TOX2: variants seen among roughly 807,000 people sequenced by gnomAD.
TOX2 encodes the protein TOX high mobility group box family member 2, also known as granulosa cell HMG box 1.
A neutral mutation model predicts 47.4 loss-of-function variants in TOX2; 15 were observed. The observed-to-expected ratio is 0.32, with a 90% CI of 0.21 to 0.49. The LOEUF is 0.49. TOX2 is among the 20% of genes least tolerant of loss of function. The pLI is 0.99. For missense variants in TOX2, 622 were observed against 673.1 expected (o/e 0.92, Z 0.84); for synonymous variants, 290 against 296.6 (o/e 0.98, Z 0.23).
intron 1 of TOX2, among the ~76,000 whole-genome samples, chr20:43,923,580 C>T (rs1348819659): frequency 6.6e-6 from 1 of 152,178 alleles, no homozygotes; most frequent in Non-Finnish European, 1.5e-5. Flanking sequence ...TAGAACGTGG[C>T]AGGATTGTCC....
At chr20:44,057,348 C>T (rs1300982826) in intron 5 of TOX2, among the ~76,000 whole-genome samples, 1 of 152,170 alleles carries the variant, frequency 6.6e-6, no homozygotes, top group African/African-American at 2.4e-5. Context: ...TCTTACTTTG[C>T]ATTACCTCTC....
chr20:43,943,072 A>G (rs2069421725), intron 1 of TOX2, among the ~76,000 whole-genome samples: 1 of 151,826 alleles, frequency 6.6e-6, no homozygotes, highest in African/African-American at 2.4e-5. Flanking sequence ...ACAGCCTTGG[A>G]TTTGCCTTGC....
intron 1 of TOX2, among the ~76,000 whole-genome samples, chr20:43,919,561 T>G (rs1448421539): frequency 6.6e-6 from 1 of 152,202 alleles, no homozygotes. Context: ...ATGTGTATAT[T>G]TGTTACATAG....
intron 1 of TOX2, among the ~76,000 whole-genome samples, chr20:43,917,292 A>G (rs1192458990): frequency 2.0e-5 from 3 of 150,212 alleles, no homozygotes; most frequent in Non-Finnish European, 3.0e-5. Context: ...GTGATCAGGA[A>G]CTCCCCTTTT....
At position 43,978,736 on chromosome 20, in the gene TOX2, A is replaced by ATT. The variant is rs142090001; in HGVS notation, c.165+5309_165+5310dup. ...ATACCACTTCTGCTAAAGAGCTCAC[A>ATT]TTTTTTACAGGAATTATTGAAAGAA... On this transcript the variant is annotated intron_variant, in intron 2 of 8. Transcript: ENST00000341197. Among the ~76,000 whole-genome samples, 7 of 150,474 alleles carry ATT rather than the reference A, an allele frequency of 4.7e-5. 1 individual carries two copies. The highest frequency in any genetic ancestry group is 1.5e-4 in the African/African-American group (6 of 40,746).
intron 3 of TOX2, among the ~76,000 whole-genome samples, chr20:44,045,242 TAAA>T (rs1451619977): frequency 6.6e-6 from 1 of 152,212 alleles, no homozygotes; most frequent in African/African-American, 2.4e-5. Context: ...ACTGTACACT[TAAA>T]AATGGTTGAT....
chr20:44,001,286 C>A (rs6065683), intron 2 of TOX2, among the ~76,000 whole-genome samples: 98,602 of 151,972 alleles, frequency 0.65, 32,178 homozygotes, highest in South Asian at 0.7. Context: ...CTCTAAGCTC[C>A]ATGTCCCTCA....
chr20:43,966,496 GC>G (rs975219014), intron 1 of TOX2, among the ~76,000 whole-genome samples: 8 of 152,154 alleles, frequency 5.3e-5, no homozygotes, highest in Non-Finnish European at 1.2e-4. Flanking sequence ...GGTGGCTCAT[GC>G]CTGTAATCCC....
intron 3 of TOX2, among the ~76,000 whole-genome samples, chr20:44,032,476 C>T (rs962014297): frequency 2.0e-5 from 3 of 151,922 alleles, no homozygotes; most frequent in Non-Finnish European, 2.9e-5. Context: ...GGAGGCTGCT[C>T]GAGTGCTGAA....
intron 1 of TOX2, among the ~76,000 whole-genome samples, chr20:43,929,178 A>G (rs1244769571): frequency 6.6e-6 from 1 of 151,900 alleles, no homozygotes; most frequent in Non-Finnish European, 1.5e-5. Context: ...AAACAAACAA[A>G]CAAACAAAAA....
intron 3 of TOX2, among the ~76,000 whole-genome samples, chr20:44,026,192 C>A (rs1430771793): frequency 7.4e-6 from 1 of 134,906 alleles, no homozygotes; most frequent in Non-Finnish European, 1.6e-5. Context: ...TGGAACCAAC[C>A]CAAATGCCCA....
chr20:43,991,126 A>C (rs1251785973), intron 2 of TOX2, among the ~76,000 whole-genome samples: 1 of 152,164 alleles, frequency 6.6e-6, no homozygotes, highest in African/African-American at 2.4e-5. Flanking sequence ...TGAGGCCCAG[A>C]AAGGGGTCAG....
At chr20:43,977,589 T>G (rs2070104756) in intron 2 of TOX2, among the ~76,000 whole-genome samples, 1 of 152,184 alleles carries the variant, frequency 6.6e-6, no homozygotes, top group Non-Finnish European at 1.5e-5. Context: ...TGTTTTTTTT[T>G]GCAAATACAT....
intron 8 of TOX2, among the ~76,000 whole-genome samples, chr20:44,067,884 C>T (rs530207010): frequency 2.0e-5 from 3 of 152,308 alleles, no homozygotes; most frequent in South Asian, 2.1e-4. Context: ...CCAGCGATAG[C>T]GCCACAACCT....
intron 2 of TOX2, among the ~76,000 whole-genome samples, chr20:43,994,818 A>G (rs2070442015): frequency 6.6e-6 from 1 of 152,180 alleles, no homozygotes; most frequent in Admixed American, 6.5e-5. Flanking sequence ...CTCCTGTCTA[A>G]TGTGACTGCC....
At chr20:43,952,047 C>T (rs967180055) in intron 1 of TOX2, among the ~76,000 whole-genome samples, 1 of 151,730 alleles carries the variant, frequency 6.6e-6, no homozygotes, top group Non-Finnish European at 1.5e-5. Context: ...CAGGCATGTG[C>T]CACCACACCC....
At chr20:44,026,273 A>G (rs916220646) in intron 3 of TOX2, among the ~76,000 whole-genome samples, 1 of 138,990 alleles carries the variant, frequency 7.2e-6, no homozygotes, top group Non-Finnish European at 1.5e-5. Context: ...ACAATGGAAT[A>G]CTACTCAGCC....
At chr20:43,976,456 A>T (rs2070078164) in intron 2 of TOX2, among the ~76,000 whole-genome samples, 1 of 152,232 alleles carries the variant, frequency 6.6e-6, no homozygotes, top group African/African-American at 2.4e-5. Context: ...GCTTGAAATA[A>T]ACACACATCT....
chr20:43,960,220 T>C (rs1321114428), intron 1 of TOX2, among the ~76,000 whole-genome samples: 2 of 152,222 alleles, frequency 1.3e-5, no homozygotes, highest in Non-Finnish European at 2.9e-5. Context: ...CATTAGTGGA[T>C]GCTCTTGCGT....
Sources: gnomAD v4.1 joint callset for allele counts (sites outside exome capture counted in the v4.1 genomes callset) on GRCh38, gnomAD v4.1.1 for gene constraint, MANE v1.5 for transcripts, NCBI Gene and HGNC (gene_info 2026-07-23, HGNC 2026-07-21) for gene names.